Variants in ESRRB observed in about 807,000 individuals in gnomAD.
ESRRB encodes steroid hormone receptor ERR2.
ESRRB carries 16 observed loss-of-function variants against 46.0 expected under a neutral mutation model. The ratio of observed to expected loss-of-function variants is 0.35; its 90% CI spans 0.24 to 0.53. The LOEUF (loss-of-function observed/expected upper bound fraction) is 0.53, where lower values mean the gene tolerates loss of function less well. ESRRB is among the 20% of genes least tolerant of loss of function. The probability of loss-of-function intolerance (pLI) is 0.93; values close to 1 mark genes in which losing one functional copy is unlikely to be tolerated. For synonymous variants in ESRRB, 246 were observed against 259.6 expected, an observed-to-expected ratio of 0.95 and a Z score of 0.50; for missense variants, 488 against 607.4, an observed-to-expected ratio of 0.80 and a Z score of 2.07.
At chr14:76,334,549 C>A (rs926757877) in intron 1 of ESRRB, among the ~76,000 whole-genome samples, 5 of 152,136 alleles carry the variant, frequency 3.3e-5, no homozygotes, top group Non-Finnish European at 7.4e-5. Flanking sequence ...GCCTCGCCTG[C>A]GACATGCATT....
At chr14:76,484,044 C>T (rs189646615) in intron 5 of ESRRB, among the ~76,000 whole-genome samples, 3 of 152,114 alleles carry the variant, frequency 2.0e-5, no homozygotes, top group Non-Finnish European at 4.4e-5. Flanking sequence ...TTAGTAGAGA[C>T]GGGGTTTTGC....
rs3829784 is a variant in ESRRB at position 76,501,364 on chromosome 14, T to C, written c.*2906T>C. 66,596 of 152,208 alleles carry C rather than the reference T, an allele frequency of 0.44. 15,384 individuals carry two copies. Among genetic ancestry groups the C allele is most frequent in the Middle Eastern group, 0.58 (170 of 294 alleles). 9.4% of individuals were successfully genotyped at this position (152,208 alleles called of 1,614,324 possible). On this transcript the variant is annotated 3_prime_UTR_variant, in exon 7 of 7. Coordinates refer to ENST00000644823, the MANE Select transcript of ESRRB (RefSeq NM_001379180.1). ...AAACCAATCTTTGCATATAGGGAAC[T>C]TCCTCGGGCCACACTTTAAGAACCA... is the stretch of plus-strand genomic sequence containing the variant.
intron 1 of ESRRB, among the ~76,000 whole-genome samples, chr14:76,402,636 A>G (rs1024456489): frequency 2.6e-5 from 4 of 152,188 alleles, no homozygotes; most frequent in Non-Finnish European, 4.4e-5. Context: ...AGGCACTGTC[A>G]TGGTCAAGCT....
chr14:76,501,072 T>C lies in ESRRB; in HGVS notation c.*2614T>C. 2.8e-6 allele frequency: 1 copy of C among 359,642 alleles called. No individual in the cohort carries two copies. Among genetic ancestry groups the C allele is most frequent in the Non-Finnish European group, 5.2e-6 (1 of 193,488 alleles). The allele number at this position is 359,642 out of a possible 1,614,324, so 22.3% of individuals were successfully genotyped here. On this transcript the variant is annotated 3_prime_UTR_variant, in exon 7 of 7. Coordinates refer to ENST00000644823, the MANE Select transcript of ESRRB (RefSeq NM_001379180.1). ...ACTGACTTAGTGGAAGGTGGTGAAG[T>C]GAGGAGAGTTTAGGGGAACCTTCCC...
chr14:76,445,682 A>G (rs1418997979), intron 2 of ESRRB, among the ~76,000 whole-genome samples: 3 of 143,522 alleles, frequency 2.1e-5, no homozygotes, highest in African/African-American at 8.2e-5. Context: ...TTCTCCACCA[A>G]TCTTTTTTTT....
chr14:76,332,489 AT>A (rs1232512955), intron 1 of ESRRB, among the ~76,000 whole-genome samples: 4 of 109,226 alleles, frequency 3.7e-5, no homozygotes, highest in Non-Finnish European at 5.2e-5. Flanking sequence ...TAATATATAA[AT>A]ATATATTTAT....
chr14:76,365,909 C>T (rs551057642), intron 1 of ESRRB, among the ~76,000 whole-genome samples: 174 of 152,136 alleles, frequency 1.1e-3, no homozygotes, highest in Non-Finnish European at 2.0e-3. Context: ...CAGAAAATGC[C>T]TCTCTTATTG....
chr14:76,482,264 C>T lies in ESRRB; in HGVS notation c.688+138C>T. ...TTGGGGAGGTGACATCAGTGCCTGG[C>T]ACATTTAGAATGTGGCTCCAAATGA... On this transcript the variant is annotated intron_variant, in intron 4 of 6. Coordinates refer to ENST00000644823, the MANE Select transcript of ESRRB (RefSeq NM_001379180.1). This position sits in a 1 kb window ranked among gnomAD's most constrained non-coding sequence, Gnocchi z 4.3. The T allele has an allele frequency of 1.3e-6, 1 of 753,932 alleles. No individual in the cohort carries two copies. 46.7% of individuals were successfully genotyped at this position (753,932 alleles called of 1,614,324 possible).
At chr14:76,451,922 T>A (rs4570762) in intron 2 of ESRRB, among the ~76,000 whole-genome samples, 30,984 of 149,640 alleles carry the variant, frequency 0.21, 6,195 homozygotes, top group African/African-American at 0.53. Flanking sequence ...TACAGGCGTC[T>A]GCCACTGCGC....
chr14:76,403,327 C>A (rs1232394959), intron 1 of ESRRB, among the ~76,000 whole-genome samples: 2 of 152,230 alleles, frequency 1.3e-5, no homozygotes, highest in African/African-American at 4.8e-5. Context: ...CCACTCTACC[C>A]TGATTCCCAC....
At chr14:76,330,351 G>C (rs1456892098) in intron 1 of ESRRB, among the ~76,000 whole-genome samples, 2 of 152,224 alleles carry the variant, frequency 1.3e-5, no homozygotes, top group Non-Finnish European at 2.9e-5. Flanking sequence ...CACAGTGGCA[G>C]AGGGGCTCCA....
chr14:76,361,115 G>A (rs17497327), intron 1 of ESRRB, among the ~76,000 whole-genome samples: 29,767 of 152,202 alleles, frequency 0.2, 3,643 homozygotes, highest in Non-Finnish European at 0.28. Flanking sequence ...AATCATGAAA[G>A]AATACATTTG....
At chr14:76,367,511 C>T (rs1008143517), upstream of ESRRB, among the ~76,000 whole-genome samples, 10 of 149,848 alleles carry the variant, frequency 6.7e-5, no homozygotes, top group South Asian at 6.3e-4. Context: ...GAGCCATGAT[C>T]GTGCTACTGC....
chr14:76,397,409 C>T (rs1345761969), intron 1 of ESRRB, among the ~76,000 whole-genome samples: 1 of 152,224 alleles, frequency 6.6e-6, no homozygotes, highest in Non-Finnish European at 1.5e-5. Context: ...CTTCTCTGCC[C>T]TCTGATGCTA....
intron 1 of ESRRB, among the ~76,000 whole-genome samples, chr14:76,381,266 G>A (rs750476236): frequency 1.3e-5 from 2 of 152,156 alleles, no homozygotes; most frequent in Non-Finnish European, 2.9e-5. Context: ...GGGACTGGGA[G>A]GCTCAACTTC....
At position 76,462,571 on chromosome 14, in the gene ESRRB, A is replaced by G. The variant is rs1888915091; in HGVS notation, c.487A>G (p.Thr163Ala). The G allele has an allele frequency of 1.2e-6, 2 of 1,614,052 alleles. No homozygotes were observed. The highest frequency in any genetic ancestry group is 1.7e-6 in the Non-Finnish European group (2 of 1,179,960). The part of the protein sequence containing the change: ...QGNIEYSCPA[T>A]NECEITKRRR... ...GAACATTGAGTACAGCTGCCCGGCC[A>G]CCAACGAGTGCGAGATCACCAAACG... is the stretch of plus-strand genomic sequence containing the variant. The change falls in exon 3 of 7, where the codon ACC becomes GCC. Residue 163 changes from threonine (T) to alanine (A), a missense_variant. Thr to Ala is a moderately conservative substitution (Grantham distance 58). Transcript: ENST00000644823.
chr14:76,458,312 TA>T (rs1229910572), intron 2 of ESRRB, among the ~76,000 whole-genome samples: 2 of 151,884 alleles, frequency 1.3e-5, no homozygotes, highest in African/African-American at 2.4e-5. Flanking sequence ...AGGAGGCACT[TA>T]AAAAAATTAC....
At chr14:76,329,719 G>T (rs1393581790) in intron 1 of ESRRB, among the ~76,000 whole-genome samples, 1 of 152,076 alleles carries the variant, frequency 6.6e-6, no homozygotes, top group Non-Finnish European at 1.5e-5. Flanking sequence ...TGCCCTGCCT[G>T]CAATGGCCGC....
At chr14:76,404,355 A>G (rs907411104) in intron 1 of ESRRB, 2 of 148,932 alleles carry the variant, frequency 1.3e-5, no homozygotes, top group East Asian at 3.9e-4. Context: ...TTATTTATAT[A>G]ATATTATATA....
Sources: allele counts gnomAD v4.1 joint callset (sites outside exome capture counted in the v4.1 genomes callset), GRCh38; gene constraint gnomAD v4.1.1; non-coding constraint Gnocchi (gnomAD v3.1); transcripts MANE v1.5; gene names NCBI Gene and HGNC (gene_info 2026-07-23, HGNC 2026-07-21).